MGLL: variants seen among roughly 807,000 people sequenced by gnomAD.
MGLL encodes lysophospholipase homolog.
Under a neutral mutation model 29.1 loss-of-function variants are expected in MGLL, and 7 were observed. The ratio of observed to expected loss-of-function variants is 0.24; its 90% CI spans 0.14 to 0.45. The LOEUF (loss-of-function observed/expected upper bound fraction) is 0.45, where lower values mean the gene tolerates loss of function less well. Among genes scored for constraint, MGLL ranks in the 20% least tolerant of loss-of-function variants. MGLL has a pLI of 0.99. For missense variants in MGLL, 356 were observed against 413.6 expected (o/e 0.86, Z 1.21); for synonymous variants, 148 against 168.3 (o/e 0.88, Z 0.93).
At chr3:127,764,507 G>A (rs2076822737) in intron 3 of MGLL, among the ~76,000 whole-genome samples, 1 of 152,190 alleles carries the variant, frequency 6.6e-6, no homozygotes, top group Non-Finnish European at 1.5e-5. Context: ...TGCTGTGGGT[G>A]AGAAGAGGTG....
chr3:127,745,293 G>A (rs1350111291), intron 3 of MGLL, among the ~76,000 whole-genome samples: 1 of 152,328 alleles, frequency 6.6e-6, no homozygotes, highest in African/African-American at 2.4e-5. Context: ...TGCAGGGATC[G>A]ACTTGAGTGT....
Position 127,745,637 on chromosome 3 carries a change from C to T in MGLL, c.263-23071G>A, listed in dbSNP as rs180917663. ...ACTAAAATCCCAGACTTCACCACCA[C>T]GCAATATATCCATGTAACAAAGCTG... On this transcript the variant is annotated intron_variant, in intron 3 of 7. Coordinates refer to ENST00000265052, the MANE Select transcript of MGLL (RefSeq NM_007283.7). 4.7e-3 allele frequency among the ~76,000 whole-genome samples: 715 copies of T among 152,252 alleles called. 3 individuals are homozygous for T. The highest frequency in any genetic ancestry group is 7.7e-3 in the Non-Finnish European group (523 of 68,014).
At chr3:127,801,052 A>G (rs2077469851) in intron 2 of MGLL, among the ~76,000 whole-genome samples, 1 of 152,202 alleles carries the variant, frequency 6.6e-6, no homozygotes, top group South Asian at 2.1e-4. Context: ...CTGTAATCCC[A>G]GCACTTTGGG....
chr3:127,723,537 C>T lies in MGLL; in HGVS notation c.263-971G>A, dbSNP rs140232696. Among the ~76,000 whole-genome samples the T allele has an allele frequency of 1.1e-4, 17 of 152,290 alleles. No homozygotes were observed. In the East Asian group the frequency reaches 3.3e-3, roughly 29 times the overall value. Reference sequence around the variant, plus strand: ...GTGTTTCCCACTGGCCCTTCCCCCACACCCACCTTCCCAGTCGCCCCCCCA... The same window carrying T: ...GTGTTTCCCACTGGCCCTTCCCCCATACCCACCTTCCCAGTCGCCCCCCCA... On this transcript the variant is annotated intron_variant, in intron 3 of 7. Transcript: ENST00000265052.
At chr3:127,808,205 T>C (rs1404270791) in intron 2 of MGLL, among the ~76,000 whole-genome samples, 1 of 152,218 alleles carries the variant, frequency 6.6e-6, no homozygotes, top group Non-Finnish European at 1.5e-5. Flanking sequence ...ATTCCCATGC[T>C]TATTGGTTTA....
rs750936614 is a variant in MGLL, at chr3:127,735,870, A to T, written c.263-13304T>A. ...AATCTAGTCTGCATCTCTCCCACTTACAAGGATTTTCTCCTGTTCAGCTCT... is the reference window on the plus strand; with the variant it reads ...AATCTAGTCTGCATCTCTCCCACTTTCAAGGATTTTCTCCTGTTCAGCTCT... On this transcript the variant is annotated intron_variant, in intron 3 of 7. Transcript: ENST00000265052. The T allele has an allele frequency of 3.8e-6, 6 of 1,585,276 alleles. No homozygotes were observed. In the South Asian group the frequency reaches 5.6e-5, roughly 15 times the overall value.
chr3:127,756,318 T>C (rs1215545378), intron 3 of MGLL, among the ~76,000 whole-genome samples: 4 of 152,162 alleles, frequency 2.6e-5, no homozygotes, highest in Non-Finnish European at 5.9e-5. Context: ...TTACTAGAGA[T>C]AGTAAAGGTC....
At chr3:127,751,716 G>A (rs1250321998) in intron 3 of MGLL, among the ~76,000 whole-genome samples, 1 of 151,730 alleles carries the variant, frequency 6.6e-6, no homozygotes, top group African/African-American at 2.4e-5. Flanking sequence ...TGATTAACTG[G>A]TTACTGTCAC....
intron 3 of MGLL, among the ~76,000 whole-genome samples, chr3:127,741,143 T>C (rs1156464160): frequency 6.6e-6 from 1 of 152,240 alleles, no homozygotes; most frequent in Non-Finnish European, 1.5e-5. Context: ...TAGGTCTCTG[T>C]TTCCTCTACA....
intron 3 of MGLL, among the ~76,000 whole-genome samples, chr3:127,751,265 C>G (rs552300123): frequency 6.6e-6 from 1 of 152,072 alleles, no homozygotes; most frequent in Non-Finnish European, 1.5e-5. Context: ...CTGTCCATGC[C>G]GCTCTGCAAA....
chr3:127,767,193 C>T (rs2076874401), intron 3 of MGLL, among the ~76,000 whole-genome samples: 2 of 152,186 alleles, frequency 1.3e-5, no homozygotes, highest in African/African-American at 4.8e-5. Context: ...ATCACCATCA[C>T]CATCTATGGG....
chr3:127,819,810 G>A (rs1260170294), intron 2 of MGLL, among the ~76,000 whole-genome samples: 1 of 152,136 alleles, frequency 6.6e-6, no homozygotes, highest in Non-Finnish European at 1.5e-5. Context: ...GGTGTTTCAT[G>A]CTGGCTGGCA....
chr3:127,715,257 G>A (rs751347347), intron 5 of MGLL, among the ~76,000 whole-genome samples: 5 of 152,216 alleles, frequency 3.3e-5, no homozygotes, highest in Admixed American at 2.0e-4. Flanking sequence ...GGCTAGGATG[G>A]AGGTGTACAC....
intron 6 of MGLL, among the ~76,000 whole-genome samples, chr3:127,697,777 C>T (rs1195896475): frequency 1.3e-5 from 2 of 152,184 alleles, no homozygotes; most frequent in Non-Finnish European, 2.9e-5. Context: ...TGTCCTGATG[C>T]CAAGAAGTCA....
At chr3:127,765,177 T>C (rs2076835522) in intron 3 of MGLL, among the ~76,000 whole-genome samples, 1 of 152,250 alleles carries the variant, frequency 6.6e-6, no homozygotes, top group South Asian at 2.1e-4. Flanking sequence ...CAGTCTTTCT[T>C]TTTAACACAG....
chr3:127,821,800 G>A lies in MGLL; in HGVS notation c.49C>T (p.Pro17Ser), dbSNP rs954732817. 3.1e-6 allele frequency: 5 copies of A among 1,614,018 alleles called. No homozygotes were observed. The highest frequency in any genetic ancestry group is 4.2e-6 in the Non-Finnish European group (5 of 1,180,012). ...DPSSMPEESS[P>S]RRTPQSIPYQ... The stretch of plus-strand genomic sequence containing the variant: ...GGAATGCTCTGCGGGGTCCGCCTGG[G>A]GGAACTTTCCTCTGGCATGCTGGAA... Residue 17 changes from proline to serine, a missense_variant, in exon 2 of 8, where the codon CCC (proline) becomes TCC (serine). Transcript: ENST00000265052.
At chr3:127,779,081 T>C (rs1249354869) in intron 3 of MGLL, among the ~76,000 whole-genome samples, 1 of 141,746 alleles carries the variant, frequency 7.1e-6, no homozygotes, top group Non-Finnish European at 1.6e-5. Flanking sequence ...AAAAGCTATG[T>C]TGGACTGGGT....
intron 3 of MGLL, among the ~76,000 whole-genome samples, chr3:127,727,965 G>A (rs2076078348): frequency 6.6e-6 from 1 of 152,112 alleles, no homozygotes. Flanking sequence ...TATGACTAGA[G>A]TATTGTGTTT....
intron 3 of MGLL, among the ~76,000 whole-genome samples, chr3:127,744,357 C>T (rs1230445264): frequency 6.6e-6 from 1 of 152,166 alleles, no homozygotes; most frequent in South Asian, 2.1e-4. Flanking sequence ...TGCGGGATGA[C>T]GATCTGGGTT....
Sources: gnomAD v4.1 joint callset for allele counts (sites outside exome capture counted in the v4.1 genomes callset) on GRCh38, gnomAD v4.1.1 for gene constraint, MANE v1.5 for transcripts, NCBI Gene and HGNC (gene_info 2026-07-23, HGNC 2026-07-21) for gene names.